The following ABLIM3 variants were observed in gnomAD, a reference collection of about 807,000 sequenced individuals.
ABLIM3 encodes the protein actin binding LIM protein family member 3, also known as actin-binding LIM protein 3.
Under a neutral mutation model 109.5 loss-of-function variants are expected in ABLIM3, and 61 were observed. The ratio of observed to expected loss-of-function variants is 0.56; its 90% CI spans 0.45 to 0.69. ABLIM3 has a LOEUF of 0.69. Ranked by LOEUF, ABLIM3 falls within the 30% of genes least tolerant of loss-of-function variation. The pLI, the probability that ABLIM3 is intolerant of heterozygous loss-of-function variation, is 0.00. For missense variants in ABLIM3, 796 were observed against 889.5 expected (o/e 0.89, Z 1.34); for synonymous variants, 300 against 324.8 (o/e 0.92, Z 0.82).
At chr5:149,156,043 C>T (rs927065339) in intron 2 of ABLIM3, among the ~76,000 whole-genome samples, 2 of 152,294 alleles carry the variant, frequency 1.3e-5, no homozygotes, top group East Asian at 1.9e-4. Context: ...TGAGTGGATG[C>T]GAGGGAGAGT....
intron 8 of ABLIM3, among the ~76,000 whole-genome samples, chr5:149,224,415 C>T (rs191625942): frequency 5.3e-5 from 8 of 152,268 alleles, no homozygotes; most frequent in African/African-American, 1.4e-4. Flanking sequence ...AGCTTCAGGC[C>T]CACTTCATCA....
In ABLIM3 at chr5:149,187,699, CCCACCCTGACTCATTCTGATTACCTACT is replaced by C. The variant is rs1247185467; in HGVS notation, c.151+4131_151+4158del. On this transcript the variant is annotated intron_variant, in intron 3 of 23. Transcript: ENST00000309868. ...ACCCTGACTCATTCCGATTTCCTAC[CCCACCCTGACTCATTCTGATTACCTACT>C]CCACCCTGACTCATTCTGATCACAT... is the stretch of plus-strand genomic sequence containing the variant. Among the ~76,000 whole-genome samples the C allele has an allele frequency of 2.6e-5, 4 of 151,978 alleles. No homozygotes were observed. The South Asian group carries it at 6.2e-4, about 24-fold the overall frequency.
intron 2 of ABLIM3, among the ~76,000 whole-genome samples, chr5:149,148,262 G>C (rs1022878762): frequency 6.6e-6 from 1 of 152,124 alleles, no homozygotes; most frequent in Non-Finnish European, 1.5e-5. Flanking sequence ...GGAGATGCTG[G>C]AGTGAGGTGG....
At chr5:149,180,648 T>G (rs1482569554) in intron 2 of ABLIM3, among the ~76,000 whole-genome samples, 1 of 152,210 alleles carries the variant, frequency 6.6e-6, no homozygotes, top group African/African-American at 2.4e-5. Flanking sequence ...TTTCATACAG[T>G]TGTATGGTGT....
intron 7 of ABLIM3, among the ~76,000 whole-genome samples, chr5:149,213,703 A>G (rs1454823451): frequency 6.6e-6 from 1 of 152,020 alleles, no homozygotes. Flanking sequence ...TTTCCCCGAG[A>G]GTTACCGTTG....
intron 8 of ABLIM3, among the ~76,000 whole-genome samples, chr5:149,222,970 C>T (rs1016342479): frequency 3.9e-5 from 6 of 152,138 alleles, no homozygotes; most frequent in Admixed American, 2.6e-4. Flanking sequence ...TGCTTAAAAA[C>T]TTTAAATCTT....
At chr5:149,252,900 T>C in intron 23 of ABLIM3, 63 bp downstream of exon 23, 3 of 1,323,544 alleles carry the variant, frequency 2.3e-6, no homozygotes, top group South Asian at 2.4e-5. Flanking sequence ...TTGCTTGGTA[T>C]AATCCAGCTC....
chr5:149,239,824 C>T lies in ABLIM3; in HGVS notation c.1140C>T (p.Pro380=). 6.2e-7 allele frequency: 1 copy of T among 1,611,334 alleles called. No homozygotes were observed. The change falls in exon 13 of 24, where the codon CCC becomes CCT. Residue 380 remains proline, a synonymous_variant. Coordinates refer to ENST00000309868, the MANE Select transcript of ABLIM3 (RefSeq NM_014945.5). The part of the protein sequence containing the change: ...RASSPGYIDS[P]TYSRQGMSPT... Reference sequence around the variant, plus strand: ...CCAGCCCGGGGTACATAGACTCCCCCACCTACAGCCGGCAGGGCATGTCCC... The same window carrying T: ...CCAGCCCGGGGTACATAGACTCCCCTACCTACAGCCGGCAGGGCATGTCCC...
chr5:149,208,141 A>C (rs1759180414), intron 6 of ABLIM3, among the ~76,000 whole-genome samples: 1 of 152,256 alleles, frequency 6.6e-6, no homozygotes, highest in Admixed American at 6.5e-5. Flanking sequence ...TGTGATCAGG[A>C]GCCCAGACAA....
At chr5:149,202,156 A>G (rs1166106390) in intron 5 of ABLIM3, among the ~76,000 whole-genome samples, 2 of 152,148 alleles carry the variant, frequency 1.3e-5, no homozygotes, top group East Asian at 3.9e-4. Flanking sequence ...TACTGTATGC[A>G]TTTGTGCTAC....
chr5:149,214,404 G>GA (rs202072511), intron 7 of ABLIM3, among the ~76,000 whole-genome samples: 1 of 152,118 alleles, frequency 6.6e-6, no homozygotes, highest in Non-Finnish European at 1.5e-5. Context: ...ACGCCCGGTG[G>GA]AAAAAAGAAC....
At chr5:149,237,741 A>G (rs1752362425) in intron 11 of ABLIM3, 138 bp downstream of exon 11, 1 of 1,133,176 alleles carries the variant, frequency 8.8e-7, no homozygotes, top group Non-Finnish European at 1.2e-6. Context: ...TTTATGGCCA[A>G]CGTTTTTTAA....
intron 23 of ABLIM3, among the ~76,000 whole-genome samples, chr5:149,255,036 A>G (rs1050644285): frequency 1.3e-5 from 2 of 152,244 alleles, no homozygotes; most frequent in African/African-American, 4.8e-5. Flanking sequence ...CAAGGAGCTC[A>G]GAGAATAGAT....
At chr5:149,245,122 T>G in intron 16 of ABLIM3, 107 bp downstream of exon 16, 1 of 1,441,260 alleles carries the variant, frequency 6.9e-7, no homozygotes, top group Non-Finnish European at 9.5e-7. Flanking sequence ...TGAATAAGAG[T>G]GCTTAGAGGG....
chr5:149,225,678 A>G (rs1761112075), intron 8 of ABLIM3, among the ~76,000 whole-genome samples: 1 of 151,944 alleles, frequency 6.6e-6, no homozygotes, highest in Admixed American at 6.6e-5. Flanking sequence ...AATGCACCCA[A>G]TTTGTAGTCT....
intron 19 of ABLIM3, among the ~76,000 whole-genome samples, chr5:149,250,164 GAC>G (rs148675463): frequency 0.014 from 2,111 of 152,306 alleles, 26 homozygotes; most frequent in Middle Eastern, 0.024. Context: ...CTGTGGCCAG[GAC>G]ACAGGGGTCT....
intron 8 of ABLIM3, among the ~76,000 whole-genome samples, chr5:149,225,937 A>ATATATG (rs1458950451): frequency 0.028 from 3,910 of 141,430 alleles, 241 homozygotes; most frequent in African/African-American, 0.1. Context: ...ATATATATAT[A>ATATATG]TATGTATGTA....
chr5:149,248,859 GACACACAC>G (rs55707887), intron 18 of ABLIM3, among the ~76,000 whole-genome samples: 4,139 of 144,690 alleles, frequency 0.029, 211 homozygotes, highest in African/African-American at 0.099. Context: ...CCTATTCCTG[GACACACAC>G]ACACACACAC....
intron 7 of ABLIM3, among the ~76,000 whole-genome samples, chr5:149,211,232 C>T (rs1489515112): frequency 6.6e-6 from 1 of 152,058 alleles, no homozygotes; most frequent in African/African-American, 2.4e-5. Context: ...TAAGAGCCAG[C>T]TTGTCTAGCA....
Sources: allele counts gnomAD v4.1 joint callset (sites outside exome capture counted in the v4.1 genomes callset), GRCh38; gene constraint gnomAD v4.1.1; transcripts MANE v1.5; gene names NCBI Gene and HGNC (gene_info 2026-07-23, HGNC 2026-07-21).